The following OR2L13 variants were observed in gnomAD, a reference collection of about 807,000 sequenced individuals.
The protein encoded by OR2L13 is olfactory receptor family 2 subfamily L member 13.
In OR2L13, 14 loss-of-function variants were observed where a neutral mutation model predicts 15.3. The observed-to-expected ratio is 0.91, with a 90% CI of 0.60 to 1.43. The LOEUF (loss-of-function observed/expected upper bound fraction) is 1.43. Among genes scored for constraint, OR2L13 ranks in the 40% most tolerant of loss-of-function variants. The pLI, the probability that OR2L13 is intolerant of heterozygous loss-of-function variation, is 0.00. For missense variants in OR2L13, 367 were observed against 387.9 expected, an observed-to-expected ratio of 0.95 and a Z score of 0.45; for synonymous variants, 152 against 142.9, an observed-to-expected ratio of 1.06 and a Z score of -0.45.
chr1:247,999,393 C>G, the OR2L13 span, among the ~76,000 whole-genome samples: 1 of 152,056 alleles, frequency 6.6e-6, no homozygotes. Context: ...CTATTGTGGG[C>G]CTCAATGCAG....
chr1:247,967,259 T>C, the OR2L13 span, among the ~76,000 whole-genome samples: 4 of 152,136 alleles, frequency 2.6e-5, no homozygotes, highest in East Asian at 7.7e-4. Context: ...GATAGAGTCT[T>C]GTTCTCTCGC....
At chr1:247,941,716 G>A in the OR2L13 span, among the ~76,000 whole-genome samples, 9 of 152,164 alleles carry the variant, frequency 5.9e-5, no homozygotes, top group African/African-American at 2.2e-4. Context: ...AAATGGACAA[G>A]CATTGGTACC....
At chr1:248,021,094 C>T in the OR2L13 span, among the ~76,000 whole-genome samples, 3 of 151,994 alleles carry the variant, frequency 2.0e-5, no homozygotes, top group African/African-American at 7.2e-5. Context: ...ATGCATTTAA[C>T]TTTTCCATGC....
At chr1:248,024,990 C>T in the OR2L13 span, among the ~76,000 whole-genome samples, 1 of 152,230 alleles carries the variant, frequency 6.6e-6, no homozygotes, top group East Asian at 1.9e-4. Context: ...CTATAAATTA[C>T]CTTTTGCAGT....
At chr1:248,041,325 G>T in the OR2L13 span, 2 of 152,000 alleles carry the variant, frequency 1.3e-5, no homozygotes, top group Admixed American at 1.3e-4. Flanking sequence ...GCTGAAACTG[G>T]ATCCCTTCCT....
chr1:247,976,805 T>C, the OR2L13 span, among the ~76,000 whole-genome samples: 1 of 152,238 alleles, frequency 6.6e-6, no homozygotes, highest in East Asian at 1.9e-4. Context: ...TATGTTCTCT[T>C]CATCTTAAGT....
At chr1:248,075,913 C>T in the OR2L13 span, among the ~76,000 whole-genome samples, 3 of 152,056 alleles carry the variant, frequency 2.0e-5, no homozygotes, top group African/African-American at 4.8e-5. Context: ...TTAGTCATGA[C>T]GCCCTTGCCC....
At chr1:247,990,347 C>T in the OR2L13 span, 1 of 1,516,212 alleles carries the variant, frequency 6.6e-7, no homozygotes, top group Non-Finnish European at 9.1e-7. Context: ...ATTTCATCTT[C>T]ATTCTCATTA....
At chr1:248,023,169 G>A in the OR2L13 span, 1 of 232,894 alleles carries the variant, frequency 4.3e-6, no homozygotes. Context: ...AATGTCCAAA[G>A]GAATCATATC....
At chr1:247,973,297 G>T in the OR2L13 span, among the ~76,000 whole-genome samples, 2 of 152,088 alleles carry the variant, frequency 1.3e-5, no homozygotes, top group African/African-American at 2.4e-5. Context: ...GCAAGAGAAA[G>T]AAATAAAGGA....
chr1:247,948,808 A>G, the OR2L13 span: 3 of 1,474,140 alleles, frequency 2.0e-6, no homozygotes, highest in Non-Finnish European at 2.8e-6. Context: ...GAATTACTGT[A>G]CGTAAATTAC....
the OR2L13 span, among the ~76,000 whole-genome samples, chr1:247,968,269 G>A: frequency 6.6e-6 from 1 of 152,072 alleles, no homozygotes; most frequent in Non-Finnish European, 1.5e-5. Flanking sequence ...AAACTAAGAA[G>A]TTTTAAGATT....
chr1:248,050,943 G>A, the OR2L13 span, among the ~76,000 whole-genome samples: 1 of 152,056 alleles, frequency 6.6e-6, no homozygotes, highest in Non-Finnish European at 1.5e-5. Context: ...TTTAAAAAAT[G>A]TATTTGGAAA....
the OR2L13 span, among the ~76,000 whole-genome samples, chr1:247,979,620 A>C: frequency 6.6e-6 from 1 of 152,084 alleles, no homozygotes; most frequent in East Asian, 1.9e-4. Context: ...TGCAAGAAAC[A>C]TATGTATGCA....
At chr1:248,066,311 C>CA in the OR2L13 span, among the ~76,000 whole-genome samples, 6 of 152,196 alleles carry the variant, frequency 3.9e-5, no homozygotes, top group South Asian at 8.3e-4. Context: ...TAGACCTTGG[C>CA]AAAAAAACTC....
chr1:247,974,491 C>T, the OR2L13 span, among the ~76,000 whole-genome samples: 9 of 151,918 alleles, frequency 5.9e-5, no homozygotes, highest in East Asian at 3.9e-4. Flanking sequence ...ATGTTTACTA[C>T]GGTGTATTTT....
chr1:248,028,485 C>T, the OR2L13 span, among the ~76,000 whole-genome samples: 27 of 152,214 alleles, frequency 1.8e-4, no homozygotes, highest in Non-Finnish European at 3.5e-4. Flanking sequence ...TATGATTATG[C>T]ATTTAAAAAT....
chr1:248,048,668 C>T, the OR2L13 span, among the ~76,000 whole-genome samples: 2 of 152,222 alleles, frequency 1.3e-5, 1 homozygote, highest in Admixed American at 1.3e-4. Flanking sequence ...CTGACACTGT[C>T]ACCTGTTCCA....
chr1:248,014,031 T>A, the OR2L13 span, among the ~76,000 whole-genome samples: 1 of 152,168 alleles, frequency 6.6e-6, no homozygotes, highest in African/African-American at 2.4e-5. Context: ...CAAGTGAAAT[T>A]TAAAAACCCA....
Sources: allele counts gnomAD v4.1 joint callset (sites outside exome capture counted in the v4.1 genomes callset), GRCh38; gene constraint gnomAD v4.1.1; transcripts MANE v1.5; gene names NCBI Gene and HGNC (gene_info 2026-07-23, HGNC 2026-07-21).